HIVEP3: variants seen among roughly 807,000 people sequenced by gnomAD.
HIVEP3 encodes the protein transcription factor HIVEP3.
Under a neutral mutation model 152.8 loss-of-function variants are expected in HIVEP3, and 49 were observed. The ratio of observed to expected loss-of-function variants is 0.32; its 90% CI spans 0.26 to 0.41. HIVEP3 has a LOEUF of 0.41. HIVEP3 is among the 10% of genes least tolerant of loss of function. The pLI, the probability that HIVEP3 is intolerant of heterozygous loss-of-function variation, is 1.00. For missense variants in HIVEP3, 2,790 were observed against 3,103.3 expected (o/e 0.90, Z 2.40); for synonymous variants, 1,269 against 1,289.0 (o/e 0.98, Z 0.33).
At chr1:41,700,598 A>C (rs994019948) in intron 2 of HIVEP3, among the ~76,000 whole-genome samples, 2 of 152,198 alleles carry the variant, frequency 1.3e-5, no homozygotes, top group South Asian at 4.1e-4. Flanking sequence ...GCAGACAAGG[A>C]AACAGAGACC....
chr1:41,537,843 A>G (rs2149066794), intron 5 of HIVEP3, among the ~76,000 whole-genome samples: 1 of 152,300 alleles, frequency 6.6e-6, no homozygotes, highest in Admixed American at 6.5e-5. Flanking sequence ...CTGTGCCAGG[A>G]ATTCCACGGC....
chr1:41,566,136 G>A (rs1644159134), intron 5 of HIVEP3, among the ~76,000 whole-genome samples: 1 of 152,104 alleles, frequency 6.6e-6, no homozygotes, highest in Admixed American at 6.5e-5. Context: ...TCATCTTTAT[G>A]GAGTAACAAC....
Position 41,582,323 on chromosome 1 carries a change from C to A in HIVEP3, c.2475G>T (p.Leu825=), listed in dbSNP as rs1558085050. 1 of 1,614,132 alleles carries A rather than the reference C, an allele frequency of 6.2e-7. No individual in the cohort carries two copies. Among genetic ancestry groups the A allele is most frequent in the Admixed American group, 1.7e-5 (1 of 60,018 alleles). ...CAGGTGGGGGTGATGGGAACTGGGC[C>A]AGAGGTTTGTCTTCCCCTTCCAAGC... ...PSGLEGEDKP[L]AQFPSPPPAP... is the part of the protein sequence containing the mutation. Residue 825 remains leucine (L), a synonymous_variant, in exon 4 of 9, where the codon CTG becomes CTT. Transcript: ENST00000372583. The surrounding 1 kb of genome is among the most constrained non-coding windows in gnomAD (Gnocchi z 4.7).
At chr1:41,823,063 T>A (rs924170806) in intron 1 of HIVEP3, among the ~76,000 whole-genome samples, 1 of 152,166 alleles carries the variant, frequency 6.6e-6, no homozygotes, top group Admixed American at 6.5e-5. Flanking sequence ...GGGGCCCTAA[T>A]CTGAAAGGGC....
intron 5 of HIVEP3, among the ~76,000 whole-genome samples, chr1:41,539,566 C>T (rs563450644): frequency 1.3e-5 from 2 of 152,238 alleles, no homozygotes; most frequent in South Asian, 4.1e-4. Context: ...CCCTTATGTC[C>T]CAGACCCAGA....
chr1:41,580,299 G>T lies in HIVEP3; in HGVS notation c.4499C>A (p.Ser1500Tyr). The T allele has an allele frequency of 1.9e-6, 3 of 1,614,164 alleles. No homozygotes were observed. The highest frequency in any genetic ancestry group is 2.5e-6 in the Non-Finnish European group (3 of 1,180,012). ...GTCAGATGGATCTGAGGACAGGCTGGACAGCATTTCTAGCTCCCTCCTGCC... is the reference window on the plus strand; with the variant it reads ...GTCAGATGGATCTGAGGACAGGCTGTACAGCATTTCTAGCTCCCTCCTGCC... ...GQGRRELEML[S>Y]SLSSDPSDTK... is the part of the protein sequence containing the mutation. The change falls in exon 4 of 9, where the codon TCC (serine) becomes TAC (tyrosine). Residue 1500 changes from serine (S) to tyrosine (Y), a missense_variant. Coordinates refer to ENST00000372583, the MANE Select transcript of HIVEP3 (RefSeq NM_024503.5).
intron 5 of HIVEP3, among the ~76,000 whole-genome samples, chr1:41,552,463 C>T (rs1235188561): frequency 6.1e-5 from 9 of 146,756 alleles, no homozygotes; most frequent in South Asian, 4.4e-4. Flanking sequence ...TGAGAATATG[C>T]GGTGTTTGGT....
At chr1:41,913,006 T>C (rs369479296) in intron 1 of HIVEP3, among the ~76,000 whole-genome samples, 1 of 152,240 alleles carries the variant, frequency 6.6e-6, no homozygotes, top group African/African-American at 2.4e-5. Context: ...GTGAACTGTA[T>C]GTTGCAAAGC....
chr1:41,598,130 C>T (rs981839901), intron 3 of HIVEP3, among the ~76,000 whole-genome samples: 4 of 152,178 alleles, frequency 2.6e-5, no homozygotes, highest in African/African-American at 9.7e-5. Flanking sequence ...AAGAACAAAG[C>T]CTGAAATGAG....
intron 1 of HIVEP3, among the ~76,000 whole-genome samples, chr1:41,879,827 A>C (rs556800278): frequency 6.6e-6 from 1 of 152,322 alleles, no homozygotes; most frequent in South Asian, 2.1e-4. Context: ...ATTTTTTAGA[A>C]AAATTAGGGA....
chr1:41,729,164 G>A (rs1163597074), intron 1 of HIVEP3, among the ~76,000 whole-genome samples: 1 of 152,218 alleles, frequency 6.6e-6, no homozygotes, highest in African/African-American at 2.4e-5. Flanking sequence ...TCCCAAGGTG[G>A]CTGTGGGAAT....
At chr1:41,637,227 A>G (rs1474435191) in intron 2 of HIVEP3, among the ~76,000 whole-genome samples, 2 of 152,210 alleles carry the variant, frequency 1.3e-5, no homozygotes. Flanking sequence ...CTATTTTAAC[A>G]GTGAGGATGG....
chr1:41,764,119 G>A (rs1001778605), intron 1 of HIVEP3, among the ~76,000 whole-genome samples: 1 of 152,114 alleles, frequency 6.6e-6, no homozygotes, highest in Non-Finnish European at 1.5e-5. Context: ...GTGGGTTGGG[G>A]ACAAATGATA....
intron 1 of HIVEP3, among the ~76,000 whole-genome samples, chr1:41,897,634 G>A (rs1644550949): frequency 6.6e-6 from 1 of 152,144 alleles, no homozygotes; most frequent in South Asian, 2.1e-4. Context: ...TAAGACAGAT[G>A]AGGAACCCAA....
In HIVEP3 at chr1:41,999,201, T is replaced by G. The variant is rs565420545; in HGVS notation, n.119+36606A>C. 9.3e-4 allele frequency among the ~76,000 whole-genome samples: 141 copies of G among 152,164 alleles called. 1 individual carries two copies. The Middle Eastern group carries it at 0.01, about 11-fold the overall frequency. On this transcript the variant is annotated intron_variant and non_coding_transcript_variant, in intron 1 of 3. Coordinates refer to the HIVEP3 transcript ENST00000489103. ...GAGCCACCACGCCCAGCCATAATAC[T>G]TTTTTCTAAGTATAAAAGCAACGCA...
intron 3 of HIVEP3, among the ~76,000 whole-genome samples, chr1:41,588,351 A>G (rs1644536085): frequency 6.6e-6 from 1 of 152,122 alleles, no homozygotes; most frequent in Admixed American, 6.5e-5. Flanking sequence ...GATGGATGGG[A>G]CCCTGCAGCA....
intron 5 of HIVEP3, among the ~76,000 whole-genome samples, chr1:41,571,819 T>C (rs1269943075): frequency 1.3e-5 from 2 of 152,166 alleles, no homozygotes; most frequent in Non-Finnish European, 2.9e-5. Flanking sequence ...AGGCTGAGTT[T>C]AAACTGGATC....
chr1:41,531,826 G>T (rs796848034), intron 5 of HIVEP3, among the ~76,000 whole-genome samples: 1 of 23,234 alleles, frequency 4.3e-5, no homozygotes, highest in Non-Finnish European at 9.1e-5. Context: ...GGAGGACAGG[G>T]GAGATGGAGG....
intron 2 of HIVEP3, among the ~76,000 whole-genome samples, chr1:41,649,103 T>C (rs905203473): frequency 2.0e-5 from 3 of 152,158 alleles, no homozygotes; most frequent in Non-Finnish European, 4.4e-5. Flanking sequence ...TACGGGAAGA[T>C]GGAAAGAGCT....
Sources: gnomAD v4.1 joint callset for allele counts (sites outside exome capture counted in the v4.1 genomes callset) on GRCh38, gnomAD v4.1.1 for gene constraint, Gnocchi (gnomAD v3.1) non-coding constraint, MANE v1.5 for transcripts, NCBI Gene and HGNC (gene_info 2026-07-23, HGNC 2026-07-21) for gene names.